BNC2: variants seen among roughly 807,000 people sequenced by gnomAD.
BNC2 encodes the protein basonuclin zinc finger protein 2.
Under a neutral mutation model 76.3 loss-of-function variants are expected in BNC2, and 20 were observed. The observed-to-expected ratio is 0.26, with a 90% CI of 0.18 to 0.38. BNC2 has a LOEUF of 0.38. Ranked by LOEUF, BNC2 falls within the 10% of genes least tolerant of loss-of-function variation. The pLI, the probability that BNC2 is intolerant of heterozygous loss-of-function variation, is 1.00. For missense variants in BNC2, 1,382 were observed against 1,399.8 expected, an observed-to-expected ratio of 0.99 and a Z score of 0.20; for synonymous variants, 582 against 514.8, an observed-to-expected ratio of 1.13 and a Z score of -1.77.
At position 16,595,070 on chromosome 9, in the gene BNC2, T is replaced by G. The variant is rs2133222303; in HGVS notation, c.331-11985A>C. ...GTGGTACACTTTTAAATAAAGAAAG[T>G]GACCCAGCACAGTATTTTATAGTCT... is the stretch of plus-strand genomic sequence containing the variant. On this transcript the variant is annotated intron_variant, in intron 3 of 6. Coordinates refer to ENST00000380672, the MANE Select transcript of BNC2 (RefSeq NM_017637.6). Among the ~76,000 whole-genome samples, 2 of 152,194 alleles carry G rather than the reference T, an allele frequency of 1.3e-5. 1 individual carries two copies. The highest frequency in any genetic ancestry group is 3.9e-4 in the East Asian group (2 of 5,194).
chr9:16,720,089 T>C (rs1824105274), intron 3 of BNC2, among the ~76,000 whole-genome samples: 2 of 152,246 alleles, frequency 1.3e-5, no homozygotes, highest in Non-Finnish European at 2.9e-5. Flanking sequence ...CCAGGGCCCC[T>C]GGTTACACGT....
At chr9:16,663,725 G>A (rs1293471884) in intron 3 of BNC2, among the ~76,000 whole-genome samples, 1 of 152,036 alleles carries the variant, frequency 6.6e-6, no homozygotes, top group African/African-American at 2.4e-5. Flanking sequence ...GTGCCTGCTG[G>A]GATATCTAAT....
intron 3 of BNC2, among the ~76,000 whole-genome samples, chr9:16,691,140 C>G (rs926976102): frequency 1.3e-5 from 2 of 152,138 alleles, no homozygotes; most frequent in African/African-American, 4.8e-5. Context: ...TAATGGACCA[C>G]GAATAATGCT....
At chr9:16,455,600 G>A (rs1400745341) in intron 5 of BNC2, among the ~76,000 whole-genome samples, 3 of 152,174 alleles carry the variant, frequency 2.0e-5, no homozygotes, top group Non-Finnish European at 2.9e-5. Context: ...AGACCAGCCT[G>A]GCCAACATGG....
At chr9:16,778,550 T>G (rs555307182) in intron 1 of BNC2, among the ~76,000 whole-genome samples, 6 of 152,220 alleles carry the variant, frequency 3.9e-5, no homozygotes, top group Admixed American at 6.5e-5. Context: ...TCAGATACTT[T>G]CACATTATTT....
intron 3 of BNC2, among the ~76,000 whole-genome samples, chr9:16,661,198 G>C (rs138990740): frequency 1.3e-5 from 2 of 152,264 alleles, no homozygotes; most frequent in Non-Finnish European, 2.9e-5. Context: ...CCTCATTCCT[G>C]TATCATCAGA....
chr9:16,437,058 T>C lies in BNC2; in HGVS notation c.1136A>G (p.Asp379Gly). 6.2e-7 allele frequency: 1 copy of C among 1,614,098 alleles called. No homozygotes were observed. The highest frequency in any genetic ancestry group is 8.5e-7 in the Non-Finnish European group (1 of 1,180,018). ...SEVSPTPYKN[D>G]QTPNRNALTS... ...CAGGGCATTTCTATTGGGTGTTTGA[T>C]CATTCTTATAAGGTGTGGGAGAAAC... The change falls in exon 6 of 7, where the codon GAT (aspartate) becomes GGT (glycine). Residue 379 changes from aspartate (D) to glycine (G), a missense_variant. Asp to Gly is a moderately conservative substitution (Grantham distance 94). Transcript: ENST00000380672.
chr9:16,772,995 C>T (rs1825869615), intron 1 of BNC2, among the ~76,000 whole-genome samples: 1 of 152,124 alleles, frequency 6.6e-6, no homozygotes, highest in African/African-American at 2.4e-5. Context: ...CTTAATGAAC[C>T]TGTTTGCAAT....
intron 5 of BNC2, among the ~76,000 whole-genome samples, chr9:16,505,538 G>C (rs1822606028): frequency 2.0e-5 from 3 of 152,164 alleles, no homozygotes; most frequent in Non-Finnish European, 2.9e-5. Flanking sequence ...AGAAAACTCT[G>C]CCTGGAGGGA....
At chr9:16,719,583 G>A (rs1292723760) in intron 3 of BNC2, among the ~76,000 whole-genome samples, 2 of 152,076 alleles carry the variant, frequency 1.3e-5, no homozygotes, top group Non-Finnish European at 2.9e-5. Flanking sequence ...ATTCATGACA[G>A]TCTCAAAAAA....
At chr9:16,639,151 T>G (rs1171798967) in intron 3 of BNC2, among the ~76,000 whole-genome samples, 1 of 152,202 alleles carries the variant, frequency 6.6e-6, no homozygotes, top group East Asian at 1.9e-4. Flanking sequence ...CTGTACTTAT[T>G]TTTTAAAAAC....
chr9:16,705,695 AAAAC>A (rs1823649027), intron 3 of BNC2, among the ~76,000 whole-genome samples: 2 of 152,174 alleles, frequency 1.3e-5, no homozygotes, highest in Admixed American at 6.5e-5. Flanking sequence ...GACTTTTTAA[AAAAC>A]AAACTTTACA....
intron 2 of BNC2, among the ~76,000 whole-genome samples, chr9:16,729,995 T>C (rs995985791): frequency 6.6e-6 from 1 of 151,948 alleles, no homozygotes; most frequent in Non-Finnish European, 1.5e-5. Flanking sequence ...CGCCCTCTCC[T>C]TGTCTCTTTC....
chr9:16,652,065 A>C (rs1359320249), intron 3 of BNC2, among the ~76,000 whole-genome samples: 3 of 152,178 alleles, frequency 2.0e-5, no homozygotes, highest in African/African-American at 7.2e-5. Flanking sequence ...ACATTGATAT[A>C]TCCTAAATAG....
intron 5 of BNC2, among the ~76,000 whole-genome samples, chr9:16,480,235 C>T (rs749631053): frequency 2.0e-5 from 3 of 152,348 alleles, no homozygotes; most frequent in African/African-American, 4.8e-5. Context: ...GCACACTTTT[C>T]GGCTTCTCAG....
chr9:16,644,947 C>T (rs1164330828), intron 3 of BNC2, among the ~76,000 whole-genome samples: 1 of 152,152 alleles, frequency 6.6e-6, no homozygotes. Context: ...CGTAAAGCAG[C>T]CCCTAACTCT....
chr9:16,445,383 C>G (rs912872046), intron 5 of BNC2, among the ~76,000 whole-genome samples: 6 of 152,090 alleles, frequency 3.9e-5, no homozygotes, highest in Non-Finnish European at 5.9e-5. Context: ...TCCAGAACTT[C>G]GGGCTAATGT....
intron 1 of BNC2, among the ~76,000 whole-genome samples, chr9:16,740,912 T>G (rs75235206): frequency 0.01 from 1,551 of 152,238 alleles, 26 homozygotes; most frequent in African/African-American, 0.035. Flanking sequence ...AAAAAATCTG[T>G]GGTTAAGAAA....
At chr9:16,440,736 C>T (rs1462352630) in intron 5 of BNC2, among the ~76,000 whole-genome samples, 1 of 152,204 alleles carries the variant, frequency 6.6e-6, no homozygotes, top group Admixed American at 6.5e-5. Flanking sequence ...TCTAAAACCA[C>T]TGCTTTTCAG....
Sources: allele counts gnomAD v4.1 joint callset (sites outside exome capture counted in the v4.1 genomes callset), GRCh38; gene constraint gnomAD v4.1.1; transcripts MANE v1.5; gene names NCBI Gene and HGNC (gene_info 2026-07-23, HGNC 2026-07-21).